Variants in ADAM8 observed in about 807,000 individuals in gnomAD.
The protein encoded by ADAM8 is disintegrin and metalloproteinase domain-containing protein 8.
A neutral mutation model predicts 102.4 loss-of-function variants in ADAM8; 104 were observed. The ratio of observed to expected loss-of-function variants is 1.02; its 90% confidence interval spans 0.87 to 1.20. ADAM8 has a LOEUF of 1.20. Among genes scored for constraint, ADAM8 ranks in the 50% most tolerant of loss-of-function variants. ADAM8 has a pLI of 0.00. For missense variants in ADAM8, 1,132 were observed against 1,159.0 expected, an observed-to-expected ratio of 0.98 and a Z score of 0.34; for synonymous variants, 517 against 485.2, an observed-to-expected ratio of 1.07 and a Z score of -0.86.
chr10:133,272,002 G>C, intron 10 of ADAM8, 48 bp from the exon 11 acceptor site: 1 of 1,593,004 alleles, frequency 6.3e-7, no homozygotes, highest in Middle Eastern at 1.7e-4. Flanking sequence ...AACTCCCCAC[G>C]CCTGCCACCC....
intron 14 of ADAM8, 30 bp from the exon 15 acceptor site, chr10:133,270,835 C>T: frequency 6.2e-7 from 1 of 1,611,086 alleles, no homozygotes; most frequent in Non-Finnish European, 8.5e-7. Flanking sequence ...TTAGCCCTGG[C>T]AAGGCCTGCA....
intron 1 of ADAM8, 83 bp from the exon 2 acceptor site, chr10:133,275,670 C>T (rs1379141277): frequency 4.3e-5 from 31 of 728,314 alleles, no homozygotes; most frequent in Non-Finnish European, 6.6e-5. Context: ...CAGATTCTGT[C>T]TCTTGCTGGG....
chr10:133,274,932 C>T (rs1018572855), intron 2 of ADAM8: 4 of 421,394 alleles, frequency 9.5e-6, no homozygotes, highest in African/African-American at 6.2e-5. Flanking sequence ...GCGGGCAGGT[C>T]GGTAGTAGGT....
intron 21 of ADAM8, among the ~76,000 whole-genome samples, chr10:133,265,004 C>G (rs565521052): frequency 4.9e-5 from 7 of 142,768 alleles, no homozygotes; most frequent in African/African-American, 1.9e-4. Flanking sequence ...GCTGCAGCCT[C>G]TGCCCCATCT....
At chr10:133,264,247 G>A (rs1179752271) in intron 21 of ADAM8, among the ~76,000 whole-genome samples, 1 of 151,646 alleles carries the variant, frequency 6.6e-6, no homozygotes, top group African/African-American at 2.4e-5. Flanking sequence ...TTTTTGTAGA[G>A]ACGGGGTCTC....
chr10:133,271,041 G>C lies in ADAM8; in HGVS notation c.1404C>G (p.Pro468=). 6.2e-7 allele frequency: 1 copy of C among 1,612,372 alleles called. No homozygotes were observed. Among genetic ancestry groups the C allele is most frequent in the African/African-American group, 1.3e-5 (1 of 75,046 alleles). Residue 468 remains proline (P), a synonymous_variant, in exon 14 of 23, where the codon CCC becomes CCG. Coordinates refer to ENST00000445355, the MANE Select transcript of ADAM8 (RefSeq NM_001109.5). ...CCTCGAGGTCACACATGTCCTTCTT[G>C]GGACGGCACAGCTCACCAGCCGGCT... ...KVKPAGELCR[P]KKDMCDLEEF...
intron 2 of ADAM8, 36 bp downstream of exon 2, chr10:133,275,448 C>T: frequency 4.8e-6 from 7 of 1,457,044 alleles, no homozygotes; most frequent in Non-Finnish European, 4.6e-6. Context: ...GCTCAGGGGC[C>T]AGCCAGGGAC....
At chr10:133,272,643 G>A (rs1299095365) in intron 8 of ADAM8, 58 bp from the exon 9 acceptor site, 11 of 1,562,092 alleles carry the variant, frequency 7.0e-6, no homozygotes. Context: ...ACAGCAGGGA[G>A]GGTGGGTGGC....
intron 22 of ADAM8, among the ~76,000 whole-genome samples, 198 bp downstream of exon 22, chr10:133,263,490 G>T (rs1846225560): frequency 6.6e-6 from 1 of 152,180 alleles, no homozygotes; most frequent in South Asian, 2.1e-4. Context: ...CATCTGCTGA[G>T]AAGTCCCCTG....
chr10:133,263,262 G>GA, intron 22 of ADAM8, 29 bp from the exon 23 acceptor site: 1 of 1,565,704 alleles, frequency 6.4e-7, no homozygotes, highest in Non-Finnish European at 8.7e-7. Flanking sequence ...AATTGATGTT[G>GA]AAAAACTACC....
intron 5 of ADAM8, 121 bp from the exon 6 acceptor site, chr10:133,273,564 G>C (rs912087620): frequency 7.6e-7 from 1 of 1,319,098 alleles, no homozygotes; most frequent in South Asian, 1.5e-5. Context: ...GCAGCCCCCC[G>C]CAGGTGACTT....
intron 20 of ADAM8, 30 bp from the exon 21 acceptor site, chr10:133,267,447 C>T (rs765159308): frequency 1.3e-6 from 2 of 1,588,718 alleles, no homozygotes; most frequent in Non-Finnish European, 1.7e-6. Flanking sequence ...GAGCCTGGGT[C>T]AGAGCTGGGA....
At chr10:133,272,163 C>A in intron 10 of ADAM8, 30 bp downstream of exon 10, 1 of 1,547,962 alleles carries the variant, frequency 6.5e-7, no homozygotes, top group Non-Finnish European at 8.7e-7. Context: ...CTGGCCTCGG[C>A]CTGGCAAACC....
rs751585262 is a variant in ADAM8 at position 133,273,958 on chromosome 10, C to G, written c.299G>C (p.Arg100Pro). Residue 100 changes from arginine (R) to proline (P), a missense_variant, in exon 4 of 23, where the codon CGC (arginine) becomes CCC (proline). Transcript: ENST00000445355. ...GCTCCGCCCGACCCATACCTGCCCG[C>G]GAGGCTGCTCCGTCACCTCGGAGCC... ...ANGSEVTEQP[R>P]GQDHCFYQGH... The G allele has an allele frequency of 6.2e-7, 1 of 1,601,388 alleles. No individual in the cohort carries two copies. Among genetic ancestry groups the G allele is most frequent in the Non-Finnish European group, 8.5e-7 (1 of 1,176,632 alleles).
intron 16 of ADAM8, 110 bp downstream of exon 16, chr10:133,270,250 T>C: frequency 1.4e-6 from 2 of 1,400,924 alleles, no homozygotes; most frequent in Non-Finnish European, 1.9e-6. Context: ...GAGAGAACTC[T>C]GTTCCCATGG....
intron 22 of ADAM8, 62 bp downstream of exon 22, chr10:133,263,626 C>CGTGGGGAGGCCGTGCCACTGTCAGCCCA: frequency 6.8e-7 from 1 of 1,474,968 alleles, no homozygotes; most frequent in East Asian, 2.6e-5. Context: ...CCGTCAGCCC[C>CGTGGGGAGGCCGTGCCACTGTCAGCCCA]GTGGGGAGGC....
In ADAM8 at chr10:133,273,326, G is replaced by A. The variant is rs557216732; in HGVS notation, c.501C>T (p.Cys167=). 2.4e-5 allele frequency: 38 copies of A among 1,578,260 alleles called. No individual in the cohort carries two copies. The East Asian group carries it at 4.4e-4, about 18-fold the overall frequency. The stretch of plus-strand genomic sequence containing the variant: ...TGCCCAGGCTGTCGTCGCTGACCCC[G>A]CAGGTCCCGGCCGTCTGCAGCAGGT... ...AEHLLQTAGT[C]GVSDDSLGSL... is the part of the protein sequence containing the mutation. The change falls in exon 6 of 23, where the codon TGC becomes TGT. Residue 167 remains cysteine (C), a synonymous_variant. Transcript: ENST00000445355.
At chr10:133,269,997 A>C in intron 16 of ADAM8, 23 bp from the exon 17 acceptor site, 2 of 1,611,134 alleles carry the variant, frequency 1.2e-6, no homozygotes, top group Non-Finnish European at 1.7e-6. Context: ...GGCGTCTCTC[A>C]GGCAGCCGCT....
At chr10:133,273,563 C>G in intron 5 of ADAM8, 120 bp from the exon 6 acceptor site, 1 of 1,319,256 alleles carries the variant, frequency 7.6e-7, no homozygotes, top group South Asian at 1.5e-5. Flanking sequence ...AGCAGCCCCC[C>G]GCAGGTGACT....
Sources: gnomAD v4.1 joint callset for allele counts (sites outside exome capture counted in the v4.1 genomes callset) on GRCh38, gnomAD v4.1.1 for gene constraint, MANE v1.5 for transcripts, NCBI Gene and HGNC (gene_info 2026-07-23, HGNC 2026-07-21) for gene names.